Variants in TGFBR3 observed in about 807,000 individuals in gnomAD.
TGFBR3 encodes transforming growth factor beta receptor type 3.
TGFBR3 carries 46 observed loss-of-function variants against 87.9 expected under a neutral mutation model. The observed-to-expected ratio is 0.52, with a 90% confidence interval of 0.41 to 0.67. The LOEUF (loss-of-function observed/expected upper bound fraction) is 0.67. TGFBR3 is among the 30% of genes least tolerant of loss of function. TGFBR3 has a pLI of 0.00. For missense variants in TGFBR3, 866 were observed against 1,041.9 expected (o/e 0.83, Z 2.32); for synonymous variants, 381 against 391.6 (o/e 0.97, Z 0.32).
At chr1:91,856,764 CA>C (rs1322054207) in intron 2 of TGFBR3, among the ~76,000 whole-genome samples, 1 of 152,198 alleles carries the variant, frequency 6.6e-6, no homozygotes, top group African/African-American at 2.4e-5. Context: ...CTTCTGAGGC[CA>C]AAGGGGCTTA....
chr1:91,788,362 A>G (rs1263035921), intron 3 of TGFBR3, among the ~76,000 whole-genome samples: 1 of 152,190 alleles, frequency 6.6e-6, no homozygotes, highest in African/African-American at 2.4e-5. Context: ...GGAAAGAAGG[A>G]CGTACAGATG....
intron 2 of TGFBR3, among the ~76,000 whole-genome samples, chr1:91,823,049 A>G (rs1411423414): frequency 2.0e-5 from 3 of 152,228 alleles, no homozygotes; most frequent in African/African-American, 7.2e-5. Context: ...AGAAATAATA[A>G]CGCATTTTCC....
At chr1:91,862,812 C>T (rs532087701) in intron 1 of TGFBR3, among the ~76,000 whole-genome samples, 12 of 152,252 alleles carry the variant, frequency 7.9e-5, no homozygotes, top group Non-Finnish European at 1.5e-4. Flanking sequence ...CTGGAAAAGG[C>T]AGAATGGTGG....
At chr1:91,812,566 C>T (rs944228944) in intron 2 of TGFBR3, among the ~76,000 whole-genome samples, 1 of 152,114 alleles carries the variant, frequency 6.6e-6, no homozygotes, top group Admixed American at 6.5e-5. Flanking sequence ...GATGTGATTT[C>T]AGTTACTATA....
chr1:91,790,263 G>A (rs1444484744), intron 3 of TGFBR3, among the ~76,000 whole-genome samples: 1 of 152,178 alleles, frequency 6.6e-6, no homozygotes, highest in African/African-American at 2.4e-5. Context: ...TTACCATTGT[G>A]TTACAATTGC....
intron 10 of TGFBR3, 81 bp from the exon 11 acceptor site, chr1:91,716,789 T>C (rs1426732327): frequency 1.3e-6 from 2 of 1,535,134 alleles, no homozygotes; most frequent in African/African-American, 2.7e-5. Flanking sequence ...CAAACACTCA[T>C]GTAATCATTC....
chr1:91,776,302 C>T (rs1260982096), intron 3 of TGFBR3, among the ~76,000 whole-genome samples: 2 of 152,230 alleles, frequency 1.3e-5, no homozygotes, highest in Admixed American at 6.5e-5. Context: ...ACTGCCAGTG[C>T]CTGGCACTGT....
chr1:91,793,638 C>A (rs1446865038), intron 3 of TGFBR3, among the ~76,000 whole-genome samples: 1 of 151,902 alleles, frequency 6.6e-6, no homozygotes, highest in Non-Finnish European at 1.5e-5. Flanking sequence ...AACTCCATTT[C>A]TACTAAAAAT....
chr1:91,895,426 C>T (rs552432787), intron 2 of TGFBR3, among the ~76,000 whole-genome samples: 1 of 152,224 alleles, frequency 6.6e-6, no homozygotes, highest in East Asian at 1.9e-4. Flanking sequence ...GCTTCCTATA[C>T]AGCCTATAGA....
intron 1 of TGFBR3, chr1:91,864,343 T>C (rs1045434338): frequency 6.6e-6 from 1 of 152,174 alleles, no homozygotes; most frequent in Non-Finnish European, 1.5e-5. Flanking sequence ...GACAAGAATA[T>C]TGGGCAATTA....
At chr1:91,844,886 C>T (rs897535174) in intron 2 of TGFBR3, among the ~76,000 whole-genome samples, 3 of 152,158 alleles carry the variant, frequency 2.0e-5, no homozygotes, top group Admixed American at 2.0e-4. Flanking sequence ...ATCTGTGTTT[C>T]TATCAACTCA....
chr1:91,900,179 A>G (rs1237663861), intron 1 of TGFBR3, among the ~76,000 whole-genome samples: 2 of 152,082 alleles, frequency 1.3e-5, no homozygotes, highest in Non-Finnish European at 2.9e-5. Flanking sequence ...CAGTGGTGCA[A>G]TCTCAGCTGA....
chr1:91,832,605 A>C (rs1391712941), intron 2 of TGFBR3, among the ~76,000 whole-genome samples: 2 of 152,238 alleles, frequency 1.3e-5, no homozygotes, highest in African/African-American at 2.4e-5. Flanking sequence ...TATTGAATCA[A>C]GTGATTAAGC....
chr1:91,809,760 A>T (rs960632983), intron 2 of TGFBR3, among the ~76,000 whole-genome samples: 2 of 152,044 alleles, frequency 1.3e-5, no homozygotes, highest in Admixed American at 1.3e-4. Context: ...ATAAGACTAA[A>T]CTCTATTCCT....
intron 2 of TGFBR3, among the ~76,000 whole-genome samples, chr1:91,843,254 G>T (rs931878380): frequency 2.0e-5 from 3 of 152,172 alleles, no homozygotes; most frequent in Non-Finnish European, 4.4e-5. Context: ...GGAGCAATTA[G>T]GTCATGAGGA....
chr1:91,900,534 A>G (rs17883731), intron 1 of TGFBR3, among the ~76,000 whole-genome samples: 1,785 of 152,350 alleles, frequency 0.012, 26 homozygotes, highest in African/African-American at 0.03. Flanking sequence ...CTAAATATGC[A>G]AACTGTAATT....
At chr1:91,803,727 T>C (rs1300517704) in intron 2 of TGFBR3, among the ~76,000 whole-genome samples, 1 of 152,124 alleles carries the variant, frequency 6.6e-6, no homozygotes, top group Non-Finnish European at 1.5e-5. Flanking sequence ...CAGGAACACA[T>C]TCCCCACCGT....
chr1:91,683,289 TG>T lies in TGFBR3; in HGVS notation c.*449del. On this transcript the variant is annotated 3_prime_UTR_variant, in exon 17 of 17. Coordinates refer to ENST00000212355, the MANE Select transcript of TGFBR3 (RefSeq NM_003243.5). ...TCAAAGCATTTCTTGTTTTACATCT[TG>T]GTTCAGATATAAAGAATCTTTGGCC... 1 of 457,012 alleles carries T rather than the reference TG, an allele frequency of 2.2e-6. No homozygotes were observed. Among genetic ancestry groups the T allele is most frequent in the South Asian group, 1.6e-5 (1 of 64,508 alleles). The allele number at this position is 457,012 out of a possible 1,614,324, so 28.3% of individuals were successfully genotyped here.
At chr1:91,720,854 C>T (rs12060235) in intron 8 of TGFBR3, among the ~76,000 whole-genome samples, 9,315 of 152,276 alleles carry the variant, frequency 0.061, 381 homozygotes, top group East Asian at 0.22. Flanking sequence ...AATTACTTCA[C>T]CACCTTCTTT....
Sources: allele counts gnomAD v4.1 joint callset (sites outside exome capture counted in the v4.1 genomes callset), GRCh38; gene constraint gnomAD v4.1.1; transcripts MANE v1.5; gene names NCBI Gene and HGNC (gene_info 2026-07-23, HGNC 2026-07-21).